FBXO33: variants seen among roughly 807,000 people sequenced by gnomAD.
FBXO33 encodes F-box protein 33, also known as F-box only protein 33.
Under a neutral mutation model 46.3 loss-of-function variants are expected in FBXO33, and 22 were observed. The observed-to-expected ratio is 0.48, with a 90% CI of 0.34 to 0.68. The LOEUF (loss-of-function observed/expected upper bound fraction) is 0.68, where lower values mean the gene tolerates loss of function less well. Ranked by LOEUF, FBXO33 falls within the 30% of genes least tolerant of loss-of-function variation. The probability of loss-of-function intolerance (pLI) is 0.01; values close to 1 mark genes in which losing one functional copy is unlikely to be tolerated. For missense variants in FBXO33, 692 were observed against 708.8 expected, an observed-to-expected ratio of 0.98 and a Z score of 0.27; for synonymous variants, 337 against 291.3, an observed-to-expected ratio of 1.16 and a Z score of -1.60.
chr14:39,431,014 A>G (rs929945259), intron 1 of FBXO33, among the ~76,000 whole-genome samples: 3 of 152,102 alleles, frequency 2.0e-5, no homozygotes, highest in Non-Finnish European at 2.9e-5. Context: ...TTCTTCCCCA[A>G]TCCCTTTAAC....
chr14:39,430,840 T>A lies in FBXO33; in HGVS notation c.599+724A>T, dbSNP rs1171811878. On this transcript the variant is annotated intron_variant, in intron 1 of 3. Transcript: ENST00000298097. Reference sequence around the variant, plus strand: ...TAGTTCTGGAATTACAGTGAAGTCCTGATGCAAAACCAGAACAGTTATGTG... The same window carrying A: ...TAGTTCTGGAATTACAGTGAAGTCCAGATGCAAAACCAGAACAGTTATGTG... Among the ~76,000 whole-genome samples, 3 of 152,132 alleles carry A rather than the reference T, an allele frequency of 2.0e-5. No homozygotes were observed. The South Asian group carries it at 6.2e-4, about 32-fold the overall frequency.
chr14:39,411,686 A>G (rs1239290465), intron 1 of FBXO33, among the ~76,000 whole-genome samples: 1 of 151,750 alleles, frequency 6.6e-6, no homozygotes, highest in Non-Finnish European at 1.5e-5. Flanking sequence ...CCATGCACAG[A>G]TAATTTTTGT....
At chr14:39,416,619 T>G (rs995107231) in intron 1 of FBXO33, among the ~76,000 whole-genome samples, 1 of 152,122 alleles carries the variant, frequency 6.6e-6, no homozygotes. Context: ...CAGCTGCTTA[T>G]TGAACTCCTG....
In FBXO33 at chr14:39,404,539, G is replaced by T. The variant is rs963321830; in HGVS notation, c.600-2028C>A. Among the ~76,000 whole-genome samples the T allele has an allele frequency of 2.0e-5, 3 of 152,080 alleles. No homozygotes were observed. In the East Asian group the frequency reaches 5.9e-4, roughly 30 times the overall value. On this transcript the variant is annotated intron_variant, in intron 1 of 3. Coordinates refer to ENST00000298097, the MANE Select transcript of FBXO33 (RefSeq NM_203301.4). ...GATGGGGTTTCACCGTGTTAGCCAG[G>T]ATGGTGTCGATCTCCTGACCTCGTG...
At chr14:39,424,049 C>A (rs954858182) in intron 1 of FBXO33, among the ~76,000 whole-genome samples, 1 of 152,140 alleles carries the variant, frequency 6.6e-6, no homozygotes, top group Admixed American at 6.6e-5. Flanking sequence ...TGAGAACATG[C>A]GGTATTTGGT....
intron 1 of FBXO33, among the ~76,000 whole-genome samples, chr14:39,418,794 A>T (rs1486094346): frequency 2.0e-5 from 3 of 151,906 alleles, no homozygotes; most frequent in Non-Finnish European, 4.4e-5. Flanking sequence ...AAAAAACAAA[A>T]AAAAAACAAA....
intron 1 of FBXO33, among the ~76,000 whole-genome samples, chr14:39,415,698 GCT>G (rs2075444905): frequency 6.6e-6 from 1 of 152,098 alleles, no homozygotes; most frequent in South Asian, 2.1e-4. Flanking sequence ...ACAGAGTCTT[GCT>G]CTGTTGCCCA....
intron 1 of FBXO33, among the ~76,000 whole-genome samples, chr14:39,414,661 T>TTTTC (rs1439209033): frequency 6.6e-6 from 1 of 152,108 alleles, no homozygotes; most frequent in South Asian, 2.1e-4. Flanking sequence ...AAGCCTAATT[T>TTTTC]TTTCTTTCTT....
chr14:39,412,763 C>T (rs1222962626), intron 1 of FBXO33, among the ~76,000 whole-genome samples: 2 of 152,174 alleles, frequency 1.3e-5, no homozygotes, highest in African/African-American at 4.8e-5. Flanking sequence ...GAAAGTCACA[C>T]AATTTTTTGT....
chr14:39,413,353 A>C (rs1363278010), intron 1 of FBXO33, among the ~76,000 whole-genome samples: 1 of 152,220 alleles, frequency 6.6e-6, no homozygotes, highest in Non-Finnish European at 1.5e-5. Context: ...TTCAGGCTCC[A>C]CTTCCAATTC....
intron 1 of FBXO33, among the ~76,000 whole-genome samples, chr14:39,425,963 C>T (rs765530595): frequency 2.0e-5 from 3 of 152,076 alleles, no homozygotes; most frequent in Non-Finnish European, 4.4e-5. Context: ...CTTTGGGACC[C>T]ATTAACCAGA....
intron 1 of FBXO33, among the ~76,000 whole-genome samples, chr14:39,426,700 A>AGCGCTTACTGTTTT (rs1370630536): frequency 6.6e-6 from 1 of 152,110 alleles, no homozygotes; most frequent in Non-Finnish European, 1.5e-5. Context: ...TCAAGACCTT[A>AGCGCTTACTGTTTT]GCGCTTACTG....
chr14:39,429,700 C>T (rs1333433759), intron 1 of FBXO33, among the ~76,000 whole-genome samples: 2 of 152,088 alleles, frequency 1.3e-5, no homozygotes, highest in African/African-American at 4.8e-5. Context: ...CAACACCATG[C>T]TAATAGTAGA....
At chr14:39,412,232 AG>A (rs1241155806) in intron 1 of FBXO33, among the ~76,000 whole-genome samples, 7 of 152,180 alleles carry the variant, frequency 4.6e-5, no homozygotes, top group African/African-American at 7.2e-5. Flanking sequence ...TTACATATTT[AG>A]GTGCCCTCAT....
chr14:39,410,078 G>C (rs905769692), intron 1 of FBXO33, among the ~76,000 whole-genome samples: 1 of 152,138 alleles, frequency 6.6e-6, no homozygotes, highest in Non-Finnish European at 1.5e-5. Flanking sequence ...AATAGAAGTG[G>C]CAAGAGCAGG....
intron 1 of FBXO33, among the ~76,000 whole-genome samples, chr14:39,417,912 T>C: frequency 6.6e-6 from 1 of 152,166 alleles, no homozygotes; most frequent in East Asian, 1.9e-4. Flanking sequence ...GACAGGATTT[T>C]TGAGTATGTG....
chr14:39,406,444 A>G (rs1165935578), intron 1 of FBXO33, among the ~76,000 whole-genome samples: 1 of 152,222 alleles, frequency 6.6e-6, no homozygotes, highest in Non-Finnish European at 1.5e-5. Flanking sequence ...AAACTAGAGA[A>G]AACAAAATAA....
intron 1 of FBXO33, 123 bp downstream of exon 1, chr14:39,431,441 C>A: frequency 2.0e-6 from 3 of 1,512,792 alleles, no homozygotes; most frequent in South Asian, 1.2e-5. Flanking sequence ...CCAACACTCT[C>A]CGTCACTGAG....
chr14:39,405,472 GAAATGA>G (rs1199418812), intron 1 of FBXO33, among the ~76,000 whole-genome samples: 1 of 145,876 alleles, frequency 6.9e-6, no homozygotes, highest in Non-Finnish European at 1.6e-5. Context: ...GGGAATATTA[GAAATGA>G]AAATCAGGGA....
Sources: allele counts gnomAD v4.1 joint callset (sites outside exome capture counted in the v4.1 genomes callset), GRCh38; gene constraint gnomAD v4.1.1; transcripts MANE v1.5; gene names NCBI Gene and HGNC (gene_info 2026-07-23, HGNC 2026-07-21).